Variants in ADAMTSL1 observed in about 807,000 individuals in gnomAD.
ADAMTSL1 encodes ADAMTS like 1.
A neutral mutation model predicts 201.8 loss-of-function variants in ADAMTSL1; 126 were observed. The observed-to-expected ratio is 0.62, with a 90% CI of 0.54 to 0.72. The LOEUF (loss-of-function observed/expected upper bound fraction) is 0.72, where lower values mean the gene tolerates loss of function less well. ADAMTSL1 is among the 30% of genes least tolerant of loss of function. The pLI is 0.00. For synonymous variants in ADAMTSL1, 1,121 were observed against 903.4 expected, an observed-to-expected ratio of 1.24 and a Z score of -4.32; for missense variants, 2,679 against 2,277.8, an observed-to-expected ratio of 1.18 and a Z score of -3.59.
chr9:18,226,978 G>A (rs948438376), intron 2 of ADAMTSL1, among the ~76,000 whole-genome samples: 21 of 152,240 alleles, frequency 1.4e-4, no homozygotes, highest in African/African-American at 5.1e-4. Flanking sequence ...AAGTTTGAAT[G>A]CATTCCTGTT....
intron 2 of ADAMTSL1, among the ~76,000 whole-genome samples, chr9:18,219,959 T>C (rs557955834): frequency 3.9e-5 from 6 of 152,064 alleles, no homozygotes; most frequent in Non-Finnish European, 5.9e-5. Flanking sequence ...TAAGGACAGT[T>C]TTGTATCTTC....
At chr9:18,468,548 C>A (rs1211560966) in intron 2 of ADAMTSL1, among the ~76,000 whole-genome samples, 2 of 152,152 alleles carry the variant, frequency 1.3e-5, no homozygotes, top group African/African-American at 4.8e-5. Flanking sequence ...CTGCCCACAA[C>A]TGCCTGACGG....
chr9:17,944,887 T>C (rs1827391229), intron 1 of ADAMTSL1, among the ~76,000 whole-genome samples: 3 of 120,004 alleles, frequency 2.5e-5, no homozygotes, highest in Non-Finnish European at 3.5e-5. Flanking sequence ...GGCATTACCA[T>C]TCAGGACATA....
At chr9:17,999,760 C>G (rs1452354989) in intron 1 of ADAMTSL1, among the ~76,000 whole-genome samples, 1 of 149,998 alleles carries the variant, frequency 6.7e-6, no homozygotes, top group Admixed American at 6.6e-5. Context: ...CCCGCTCCCC[C>G]CACCCCACCA....
intron 4 of ADAMTSL1, among the ~76,000 whole-genome samples, chr9:18,579,608 C>T (rs987730684): frequency 2.0e-5 from 3 of 152,094 alleles, no homozygotes; most frequent in Non-Finnish European, 4.4e-5. Flanking sequence ...TCCTTAGAGC[C>T]TTTCTGAGTA....
intron 2 of ADAMTSL1, among the ~76,000 whole-genome samples, chr9:18,291,538 C>G (rs1363646606): frequency 6.6e-6 from 1 of 152,086 alleles, no homozygotes; most frequent in Non-Finnish European, 1.5e-5. Context: ...GGTGATTGAA[C>G]CATTTCGTGC....
At position 18,070,950 on chromosome 9, in the gene ADAMTSL1, G is replaced by A. The variant is rs556964519; in HGVS notation, c.88-92912G>A. Among the ~76,000 whole-genome samples, 3 of 152,338 alleles carry A rather than the reference G, an allele frequency of 2.0e-5. No homozygotes were observed. The East Asian group carries it at 5.8e-4, about 29-fold the overall frequency. ...TAGGGGCAGAGAAGAAACATTGGGT[G>A]TTGGTTTAGGATCAGGTTCATGCTT... On this transcript the variant is annotated intron_variant, in intron 1 of 29. Transcript: ENST00000680146.
At chr9:18,848,663 T>C (rs937627861) in intron 23 of ADAMTSL1, among the ~76,000 whole-genome samples, 1 of 152,244 alleles carries the variant, frequency 6.6e-6, no homozygotes, top group African/African-American at 2.4e-5. Context: ...CACTCTCTGC[T>C]GACTTCCTGA....
chr9:18,665,467 T>C (rs1015123479), intron 9 of ADAMTSL1, among the ~76,000 whole-genome samples: 1 of 152,072 alleles, frequency 6.6e-6, no homozygotes. Context: ...AACTTCAAAC[T>C]CAGTGACTAT....
At chr9:18,201,540 C>G (rs143819293) in intron 2 of ADAMTSL1, among the ~76,000 whole-genome samples, 1 of 152,192 alleles carries the variant, frequency 6.6e-6, no homozygotes, top group East Asian at 1.9e-4. Flanking sequence ...ACCTTCCCTA[C>G]TATACAATAT....
intron 1 of ADAMTSL1, among the ~76,000 whole-genome samples, chr9:18,107,002 T>A (rs1374529077): frequency 6.6e-6 from 1 of 152,172 alleles, no homozygotes; most frequent in African/African-American, 2.4e-5. Flanking sequence ...ACCACATAGG[T>A]TGGGGCTTTT....
intron 2 of ADAMTSL1, among the ~76,000 whole-genome samples, chr9:18,354,836 T>G (rs1007457773): frequency 1.3e-5 from 2 of 152,066 alleles, no homozygotes; most frequent in Non-Finnish European, 2.9e-5. Flanking sequence ...CTGGACATGG[T>G]GGTGCACGCC....
intron 1 of ADAMTSL1, among the ~76,000 whole-genome samples, chr9:18,099,355 A>ATATATATATATATATT (rs1239180390): frequency 1.3e-4 from 6 of 45,544 alleles, no homozygotes; most frequent in Non-Finnish European, 2.0e-4. Flanking sequence ...ATATATATAT[A>ATATATATATATATATT]TTTTTTTTTT....
chr9:18,308,476 A>G (rs1215320604), intron 2 of ADAMTSL1, among the ~76,000 whole-genome samples: 1 of 152,194 alleles, frequency 6.6e-6, no homozygotes, highest in East Asian at 1.9e-4. Flanking sequence ...GAAGAATCAA[A>G]TAGACACCAT....
At position 18,650,271 on chromosome 9, in the gene ADAMTSL1, C is replaced by G. The variant is rs578128599; in HGVS notation, c.835-7368C>G. On this transcript the variant is annotated intron_variant, in intron 7 of 28. Transcript: ENST00000380548. ...AGTGCAGTGTTTGGGTGGGAGTGAC[C>G]CGATTTTCCAGGTGCCGTCTGTCAC... Among the ~76,000 whole-genome samples, 63 of 152,286 alleles carry G rather than the reference C, an allele frequency of 4.1e-4. 1 individual carries two copies. In the South Asian group the frequency reaches 5.8e-3, roughly 14 times the overall value.
intron 2 of ADAMTSL1, among the ~76,000 whole-genome samples, chr9:18,331,053 G>T (rs536550053): frequency 4.9e-4 from 74 of 152,268 alleles, no homozygotes; most frequent in Admixed American, 9.8e-4. Flanking sequence ...TGTAGGTTTT[G>T]GTGGAGGGTG....
chr9:17,986,806 A>T (rs1385619192), intron 1 of ADAMTSL1, among the ~76,000 whole-genome samples: 1 of 152,058 alleles, frequency 6.6e-6, no homozygotes, highest in African/African-American at 2.4e-5. Context: ...AGATGTCTGG[A>T]GTTGAGACTG....
At chr9:17,991,404 T>C (rs1357096782) in intron 1 of ADAMTSL1, among the ~76,000 whole-genome samples, 1 of 152,110 alleles carries the variant, frequency 6.6e-6, no homozygotes, top group Non-Finnish European at 1.5e-5. Context: ...AAGTACCTGG[T>C]AAAAAGGTTC....
chr9:18,619,224 C>G (rs1825876565), intron 4 of ADAMTSL1, among the ~76,000 whole-genome samples: 1 of 152,084 alleles, frequency 6.6e-6, no homozygotes, highest in South Asian at 2.1e-4. Context: ...TTTAATTAAT[C>G]TAATAGTTAC....
Sources: allele counts gnomAD v4.1 joint callset (sites outside exome capture counted in the v4.1 genomes callset), GRCh38; gene constraint gnomAD v4.1.1; transcripts MANE v1.5; gene names NCBI Gene and HGNC (gene_info 2026-07-23, HGNC 2026-07-21).